Variants in PRIM2 observed in about 807,000 individuals in gnomAD.
The protein encoded by PRIM2 is DNA primase large subunit.
A neutral mutation model predicts 67.3 loss-of-function variants in PRIM2; 39 were observed. The ratio of observed to expected loss-of-function variants is 0.58; its 90% CI spans 0.45 to 0.76. PRIM2 has a LOEUF of 0.76. Ranked by LOEUF, PRIM2 falls within the 30% of genes least tolerant of loss-of-function variation. The pLI, the probability that PRIM2 is intolerant of heterozygous loss-of-function variation, is 0.00. For missense variants in PRIM2, 398 were observed against 598.7 expected (o/e 0.66, Z 3.50); for synonymous variants, 143 against 198.7 (o/e 0.72, Z 2.36).
chr6:57,244,728 C>T, the PRIM2 span, among the ~76,000 whole-genome samples: 1 of 142,260 alleles, frequency 7.0e-6, no homozygotes, highest in South Asian at 2.5e-4. Flanking sequence ...GTGATAAGAG[C>T]GAAACTCCAT....
the PRIM2 span, among the ~76,000 whole-genome samples, chr6:57,306,587 G>A: frequency 9.2e-5 from 14 of 152,302 alleles, no homozygotes; most frequent in Non-Finnish European, 1.9e-4. Context: ...ATGCACAGGA[G>A]TGTCAGGGGA....
chr6:57,345,212 C>A (rs952216242), intron 5 of PRIM2, among the ~76,000 whole-genome samples: 21 of 151,814 alleles, frequency 1.4e-4, no homozygotes, highest in Middle Eastern at 3.2e-3. Flanking sequence ...AGCTTGAGTG[C>A]AGTGACGTGA....
chr6:57,467,568 C>T (rs1477884827), intron 7 of PRIM2, among the ~76,000 whole-genome samples: 1 of 152,138 alleles, frequency 6.6e-6, no homozygotes, highest in Non-Finnish European at 1.5e-5. Context: ...ATGTTGCCTC[C>T]AGCTTTGTTC....
chr6:57,535,448 C>T (rs1275454830), intron 9 of PRIM2, among the ~76,000 whole-genome samples: 14 of 152,282 alleles, frequency 9.2e-5, no homozygotes, highest in African/African-American at 3.1e-4. Context: ...GTTTAACTTA[C>T]ATAGTAGTGA....
chr6:57,300,976 G>T, the PRIM2 span, among the ~76,000 whole-genome samples: 1 of 152,300 alleles, frequency 6.6e-6, no homozygotes, highest in African/African-American at 2.4e-5. Flanking sequence ...ATGCTTTAGG[G>T]CTATTTATTT....
chr6:57,642,433 A>ATATTTTT (rs1777256008), intron 13 of PRIM2, among the ~76,000 whole-genome samples: 1 of 107,060 alleles, frequency 9.3e-6, no homozygotes, highest in Non-Finnish European at 1.8e-5. Flanking sequence ...TAAATATTAT[A>ATATTTTT]TCTTTTTTTT....
chr6:57,541,371 G>C (rs1196521276), intron 10 of PRIM2, among the ~76,000 whole-genome samples: 1 of 152,114 alleles, frequency 6.6e-6, no homozygotes, highest in Non-Finnish European at 1.5e-5. Flanking sequence ...TTACAGGTGT[G>C]AGCTACTGTG....
chr6:57,542,938 G>GCTTTTTTTTTTTT (rs1581980392), intron 10 of PRIM2, among the ~76,000 whole-genome samples: 1 of 56,884 alleles, frequency 1.8e-5, no homozygotes, highest in Non-Finnish European at 3.3e-5. Flanking sequence ...CTGCTTATAG[G>GCTTTTTTTTTTTT]ATTTTTTTTT....
the PRIM2 span, among the ~76,000 whole-genome samples, chr6:57,253,059 G>C: frequency 6.6e-6 from 1 of 152,176 alleles, no homozygotes; most frequent in African/African-American, 2.4e-5. Context: ...AGAGTGCAGA[G>C]AGCCAAGAAC....
At chr6:57,324,950 G>A (rs1767795813) in intron 4 of PRIM2, among the ~76,000 whole-genome samples, 1 of 152,110 alleles carries the variant, frequency 6.6e-6, no homozygotes, top group Non-Finnish European at 1.5e-5. Flanking sequence ...TATGTAGTTT[G>A]TGAAATTTAT....
chr6:57,248,249 T>C, the PRIM2 span, among the ~76,000 whole-genome samples: 4 of 152,174 alleles, frequency 2.6e-5, no homozygotes, highest in African/African-American at 9.7e-5. Context: ...CCAACTTATT[T>C]AAATTACAAA....
intron 10 of PRIM2, among the ~76,000 whole-genome samples, chr6:57,587,684 AAAAAAAAAAAGG>A (rs1413101288): frequency 6.7e-6 from 1 of 150,208 alleles, no homozygotes; most frequent in African/African-American, 2.4e-5. Context: ...AAAAAAAAAA[AAAAAAAAAAAGG>A]CAGAACACAA....
chr6:57,291,346 C>T, the PRIM2 span, among the ~76,000 whole-genome samples: 1 of 152,114 alleles, frequency 6.6e-6, no homozygotes, highest in Non-Finnish European at 1.5e-5. Flanking sequence ...GAAATTGAAG[C>T]AATAATTAAT....
chr6:57,390,466 T>A (rs1455580615), intron 7 of PRIM2, among the ~76,000 whole-genome samples: 1 of 152,122 alleles, frequency 6.6e-6, no homozygotes, highest in Non-Finnish European at 1.5e-5. Flanking sequence ...GGGGGCTTGT[T>A]GTACAGATTA....
chr6:57,230,814 G>T, the PRIM2 span, among the ~76,000 whole-genome samples: 1 of 152,110 alleles, frequency 6.6e-6, no homozygotes, highest in Non-Finnish European at 1.5e-5. Context: ...CATCCTTTGT[G>T]CCCAGTTTGG....
chr6:57,581,717 A>C (rs1432500560), intron 10 of PRIM2, among the ~76,000 whole-genome samples: 1 of 152,214 alleles, frequency 6.6e-6, no homozygotes, highest in African/African-American at 2.4e-5. Context: ...TTACTTGCTA[A>C]ATCTTTTTTT....
intron 7 of PRIM2, among the ~76,000 whole-genome samples, chr6:57,387,307 A>G (rs1476128787): frequency 6.6e-6 from 1 of 152,190 alleles, no homozygotes; most frequent in Non-Finnish European, 1.5e-5. Context: ...GACAGATACC[A>G]AATAATGATA....
chr6:57,383,675 A>T (rs1018611049), intron 7 of PRIM2: 2 of 151,926 alleles, frequency 1.3e-5, no homozygotes, highest in Admixed American at 6.6e-5. Flanking sequence ...AGCTACAGCC[A>T]TCTAGAGATG....
At chr6:57,360,618 A>T (rs1769164393) in intron 5 of PRIM2, among the ~76,000 whole-genome samples, 1 of 152,208 alleles carries the variant, frequency 6.6e-6, no homozygotes, top group African/African-American at 2.4e-5. Context: ...GGATGAATAC[A>T]AACCTATACA....
Sources: gnomAD v4.1 joint callset for allele counts (sites outside exome capture counted in the v4.1 genomes callset) on GRCh38, gnomAD v4.1.1 for gene constraint, MANE v1.5 for transcripts, NCBI Gene and HGNC (gene_info 2026-07-23, HGNC 2026-07-21) for gene names.